Variants in CCT2 observed in about 807,000 individuals in gnomAD.
The protein encoded by CCT2 is T-complex protein 1 subunit beta.
In CCT2, 18 loss-of-function variants were observed where a neutral mutation model predicts 61.8. The observed-to-expected ratio is 0.29, with a 90% confidence interval of 0.20 to 0.43. CCT2 has a LOEUF of 0.43. CCT2 is among the 20% of genes least tolerant of loss of function. CCT2 has a pLI of 1.00. For missense variants in CCT2, 556 were observed against 656.9 expected, an observed-to-expected ratio of 0.85 and a Z score of 1.68; for synonymous variants, 248 against 215.9, an observed-to-expected ratio of 1.15 and a Z score of -1.30.
chr12:69,593,195 G>A, intron 9 of CCT2, 92 bp downstream of exon 9: 1 of 1,151,476 alleles, frequency 8.7e-7, no homozygotes, highest in Middle Eastern at 3.0e-4. Context: ...TTTTACCTAG[G>A]AACTGTCTTA....
rs1331890947 is a variant in CCT2, at chr12:69,592,159, G to A, written c.750G>A (p.Lys250=). The A allele has an allele frequency of 1.4e-6, 2 of 1,475,246 alleles. No individual in the cohort carries two copies. The highest frequency in any genetic ancestry group is 1.9e-6 in the Non-Finnish European group (2 of 1,057,570). 91.4% of individuals were successfully genotyped at this position (1,475,246 alleles called of 1,614,324 possible). A position where few individuals can be genotyped will look rare whatever the true frequency, so the allele number is the denominator to read the frequency against. ...CTGGTATGGATACAGACAAAATAAAGGTATGTAACTCTACTTTTTAAAAAT... is the reference window on the plus strand; with the variant it reads ...CTGGTATGGATACAGACAAAATAAAAGTATGTAACTCTACTTTTTAAAAAT... The part of the protein sequence containing the change: ...ANTGMDTDKI[K]IFGSRVRVDS... Residue 250 remains lysine (K), a splice_region_variant and synonymous_variant, in exon 8 of 16, where the codon AAG becomes AAA. Coordinates refer to ENST00000299300, the MANE Select transcript of CCT2 (RefSeq NM_006431.3).
intron 7 of CCT2, among the ~76,000 whole-genome samples, chr12:69,590,827 C>G (rs1881814490): frequency 6.6e-6 from 1 of 151,702 alleles, no homozygotes; most frequent in Non-Finnish European, 1.5e-5. Flanking sequence ...GGCGATTCTC[C>G]TGCCTCAGCC....
chr12:69,585,488 G>GGGGATTCA lies in CCT2; in HGVS notation c.-33_-26dup. ...CGCTGGTCCCGAGCACGAGCTGTGA[G>GGGGATTCA]GGGATTCACTTGTGTGCGGAACTCC... On this transcript the variant is annotated 5_prime_UTR_variant, in exon 1 of 16. Coordinates refer to ENST00000299300, the MANE Select transcript of CCT2 (RefSeq NM_006431.3). 6.4e-7 allele frequency: 1 copy of GGGGATTCA among 1,560,150 alleles called. No homozygotes were observed. Among genetic ancestry groups the GGGGATTCA allele is most frequent in the Non-Finnish European group, 8.7e-7 (1 of 1,151,254 alleles).
intron 7 of CCT2, among the ~76,000 whole-genome samples, 190 bp from the exon 8 acceptor site, chr12:69,591,861 GCTAAAAGC>G (rs2135853606): frequency 6.7e-6 from 1 of 150,176 alleles, no homozygotes; most frequent in African/African-American, 2.4e-5. Context: ...GCTTTCAGGC[GCTAAAAGC>G]CTAAAAGCAA....
chr12:69,588,280 CTACTGTTCTAAACATT>C lies in CCT2; in HGVS notation c.446+21_446+36del. The C allele has an allele frequency of 6.6e-7, 1 of 1,510,112 alleles. No individual in the cohort carries two copies. The highest frequency in any genetic ancestry group is 1.1e-5 in the South Asian group (1 of 88,648). 93.5% of individuals were successfully genotyped at this position (1,510,112 alleles called of 1,614,324 possible). On this transcript the variant is annotated intron_variant, in intron 6 of 15. Coordinates refer to ENST00000299300, the MANE Select transcript of CCT2 (RefSeq NM_006431.3). ...GATCATGGGTTTGTATAGCAAAGTA[CTACTGTTCTAAACATT>C]TAGTGTTCTTTCATAACATGCTTAA...
chr12:69,597,661 C>T lies in CCT2; in HGVS notation c.1126C>T (p.Arg376Cys). The change falls in exon 12 of 16, where the codon CGT (arginine) becomes TGT (cysteine). Residue 376 changes from arginine to cysteine, a missense_variant. Physicochemically the swap from Arg to Cys is radical, Grantham distance 180 (BLOSUM62 -3). Coordinates refer to ENST00000299300, the MANE Select transcript of CCT2 (RefSeq NM_006431.3). ...AGGTGAGGCTTGTACCATTGTTTTG[C>T]GTGGTGCCACTCAACAAATTTTAGA... The part of the protein sequence containing the change: ...ALGEACTIVL[R>C]GATQQILDEA... The T allele has an allele frequency of 3.1e-6, 5 of 1,613,606 alleles. No individual in the cohort carries two copies. The highest frequency in any genetic ancestry group is 2.2e-5 in the East Asian group (1 of 44,858).
chr12:69,594,054 G>A (rs142463265), intron 10 of CCT2, among the ~76,000 whole-genome samples: 2 of 151,766 alleles, frequency 1.3e-5, no homozygotes, highest in Admixed American at 6.6e-5. Flanking sequence ...GAAGAGAATC[G>A]CTTGAGCCTG....
chr12:69,585,634 G>A, intron 1 of CCT2, 110 bp downstream of exon 1: 2 of 1,544,638 alleles, frequency 1.3e-6, no homozygotes, highest in Admixed American at 3.9e-5. Context: ...TGTCTCCCCG[G>A]CCCTCCGCAC....
intron 14 of CCT2, among the ~76,000 whole-genome samples, chr12:69,599,549 G>A (rs1424984186): frequency 2.0e-5 from 3 of 151,772 alleles, no homozygotes; most frequent in Non-Finnish European, 4.4e-5. Flanking sequence ...CACCATGCCC[G>A]GCTAATTTTT....
chr12:69,591,822 A>G (rs764511345), intron 7 of CCT2, among the ~76,000 whole-genome samples: 9 of 152,280 alleles, frequency 5.9e-5, no homozygotes, highest in South Asian at 2.1e-4. Flanking sequence ...TTTTCTGCTT[A>G]TCACTAGAGA....
At chr12:69,592,844 C>T (rs1390008096) in intron 8 of CCT2, 132 bp from the exon 9 acceptor site, 1 of 711,008 alleles carries the variant, frequency 1.4e-6, no homozygotes, top group Non-Finnish European at 2.2e-6. Flanking sequence ...AGGAGAATCA[C>T]TTGAACCCAG....
intron 3 of CCT2, 81 bp from the exon 4 acceptor site, chr12:69,587,424 A>G: frequency 2.5e-6 from 2 of 800,904 alleles, no homozygotes; most frequent in Non-Finnish European, 4.3e-6. Context: ...ATACACTAGC[A>G]CTGTGTGAGA....
chr12:69,599,208 T>A lies in CCT2; in HGVS notation c.1436-655T>A, dbSNP rs1198662352. 2.0e-5 allele frequency among the ~76,000 whole-genome samples: 3 copies of A among 152,034 alleles called. No homozygotes were observed. In the East Asian group the frequency reaches 5.8e-4, roughly 29 times the overall value. On this transcript the variant is annotated intron_variant, in intron 14 of 15. Transcript: ENST00000299300. ...TCAAGCAGTTCTCCTTCCTCAGCCTTCCAAGTAGTTAGGGCTAAAGGCATG... is the reference window on the plus strand; with the variant it reads ...TCAAGCAGTTCTCCTTCCTCAGCCTACCAAGTAGTTAGGGCTAAAGGCATG...
At chr12:69,588,116 A>C in intron 5 of CCT2, 34 bp from the exon 6 acceptor site, 1 of 1,574,298 alleles carries the variant, frequency 6.4e-7, no homozygotes. Context: ...ATAATTTTCT[A>C]TTTATAACTT....
rs1315490316 is a variant in CCT2 at position 69,587,535 on chromosome 12, G to A, written c.175G>A (p.Ala59Thr). The A allele has an allele frequency of 3.7e-6, 6 of 1,612,794 alleles. No individual in the cohort carries two copies. The African/African-American group carries it at 4.0e-5, about 11-fold the overall frequency. Residue 59 changes from alanine to threonine, a missense_variant, in exon 4 of 16, where the codon GCC (alanine) becomes ACC (threonine). Ala to Thr is a moderately conservative substitution (Grantham distance 58). Transcript: ENST00000299300. The stretch of plus-strand genomic sequence containing the variant: ...AATTCTTCTAAGCAGTGGACGAGAT[G>A]CCTCTCTTATGGTAACCAATGATGG... ...DKILLSSGRD[A>T]SLMVTNDGAT...
Position 69,593,620 on chromosome 12 carries a change from A to G in CCT2, c.982+7A>G. 2.6e-6 allele frequency: 4 copies of G among 1,552,848 alleles called. No individual in the cohort carries two copies. In the South Asian group the frequency reaches 4.5e-5, roughly 18 times the overall value. Reference sequence around the variant, plus strand: ...CGCCTAGCTCTTGTCACAGGTATGGAAAAAAGGTATTGTTTTCTAACAAAC... The same window carrying G: ...CGCCTAGCTCTTGTCACAGGTATGGGAAAAAGGTATTGTTTTCTAACAAAC... On this transcript the variant is annotated splice_region_variant and intron_variant, in intron 10 of 15. Coordinates refer to ENST00000299300, the MANE Select transcript of CCT2 (RefSeq NM_006431.3).
At chr12:69,587,483 G>C in intron 3 of CCT2, 22 bp from the exon 4 acceptor site, 1 of 1,403,936 alleles carries the variant, frequency 7.1e-7, no homozygotes, top group South Asian at 1.2e-5. Context: ...GTCTTAACTT[G>C]AACCAATTAT....
Position 69,592,244 on chromosome 12 carries a change from A to G in CCT2, c.750+85A>G, listed in dbSNP as rs1348063684. Reference sequence around the variant, plus strand: ...GTAATCCTAGCAATTTGGGAGGCCAAGGTGGTGGATCATCTGAGATCAGAA... The same window carrying G: ...GTAATCCTAGCAATTTGGGAGGCCAGGGTGGTGGATCATCTGAGATCAGAA... On this transcript the variant is annotated intron_variant, in intron 8 of 15. Coordinates refer to ENST00000299300, the MANE Select transcript of CCT2 (RefSeq NM_006431.3). The G allele has an allele frequency of 1.6e-4, 110 of 705,152 alleles. 1 individual carries two copies. The highest frequency in any genetic ancestry group is 2.0e-5 in the Non-Finnish European group (8 of 403,686). The allele number at this position is 705,152 out of a possible 1,614,324, so 43.7% of individuals were successfully genotyped here. A position where few individuals can be genotyped will look rare whatever the true frequency, so the allele number is the denominator to read the frequency against.
At chr12:69,597,330 T>TG (rs776942916) in intron 11 of CCT2, 55 bp downstream of exon 11, 17 of 1,598,510 alleles carry the variant, frequency 1.1e-5, no homozygotes, top group Non-Finnish European at 1.4e-5. Flanking sequence ...TAGGCTCTGT[T>TG]GAAGTAAAGG....
Sources: allele counts gnomAD v4.1 joint callset (sites outside exome capture counted in the v4.1 genomes callset), GRCh38; gene constraint gnomAD v4.1.1; transcripts MANE v1.5; gene names NCBI Gene and HGNC (gene_info 2026-07-23, HGNC 2026-07-21).